SCN8A: variants seen among roughly 807,000 people sequenced by gnomAD.
SCN8A encodes the protein sodium voltage-gated channel alpha subunit 8, also known as sodium channel protein type 8 subunit alpha.
Under a neutral mutation model 184.1 loss-of-function variants are expected in SCN8A, and 30 were observed. The observed-to-expected ratio is 0.16, with a 90% CI of 0.12 to 0.22. The LOEUF is 0.22. SCN8A is among the 10% of genes least tolerant of loss of function. SCN8A has a pLI of 1.00. For synonymous variants in SCN8A, 852 were observed against 907.0 expected (o/e 0.94, Z 1.09); for missense variants, 1,057 against 2,498.9 (o/e 0.42, Z 12.30).
intron 21 of SCN8A, among the ~76,000 whole-genome samples, chr12:51,784,943 C>G (rs993215424): frequency 1.3e-5 from 2 of 152,176 alleles, no homozygotes; most frequent in Non-Finnish European, 2.9e-5. Context: ...ACTTCCTGTG[C>G]CACATTTGTA....
intron 6 of SCN8A, among the ~76,000 whole-genome samples, chr12:51,697,430 G>A (rs1941614001): frequency 6.6e-6 from 1 of 152,196 alleles, no homozygotes; most frequent in African/African-American, 2.4e-5. Context: ...TCTTGTGCTA[G>A]GCAGAGCATC....
chr12:51,621,789 T>C (rs1939968902), intron 1 of SCN8A, among the ~76,000 whole-genome samples: 3 of 152,224 alleles, frequency 2.0e-5, no homozygotes, highest in Admixed American at 1.3e-4. Context: ...AGTTCTGCGA[T>C]GTAGGCAGAA....
Position 51,721,800 on chromosome 12 carries a change from C to T in SCN8A, c.1890C>T (p.Phe630=). Residue 630 remains phenylalanine (F), a synonymous_variant, in exon 12 of 27, where the codon TTC becomes TTT. Coordinates refer to ENST00000627620, the MANE Select transcript of SCN8A (RefSeq NM_001330260.2). ...YSQGSRSSRI[F]PSLRRSVKRN... ...AGGGCAGCCGCTCCTCGCGCATCTTCCCCAGCCTGCGGCGCAGCGTGAAGC... is the reference window on the plus strand; with the variant it reads ...AGGGCAGCCGCTCCTCGCGCATCTTTCCCAGCCTGCGGCGCAGCGTGAAGC... The T allele has an allele frequency of 6.2e-7, 1 of 1,609,578 alleles. No individual in the cohort carries two copies. Among genetic ancestry groups the T allele is most frequent in the Non-Finnish European group, 8.5e-7 (1 of 1,179,466 alleles).
chr12:51,740,585 G>A (rs935710554), intron 12 of SCN8A, among the ~76,000 whole-genome samples: 20 of 152,190 alleles, frequency 1.3e-4, no homozygotes, highest in South Asian at 4.1e-4. Context: ...CTGTCCTTGA[G>A]AATAATCCAT....
rs188682325 is a variant in SCN8A at position 51,716,598 on chromosome 12, G to A, written c.1636-4948G>A. ...GATGAAGTAGAATAAGTAAATTAGA[G>A]TCAAAGCTGGGAGGGTCTTGAATGC... On this transcript the variant is annotated intron_variant, in intron 11 of 26. Coordinates refer to ENST00000627620, the MANE Select transcript of SCN8A (RefSeq NM_001330260.2). 2.1e-3 allele frequency among the ~76,000 whole-genome samples: 313 copies of A among 152,240 alleles called. 2 individuals are homozygous for A. The highest frequency in any genetic ancestry group is 6.8e-3 in the African/African-American group (283 of 41,532).
intron 1 of SCN8A, among the ~76,000 whole-genome samples, chr12:51,637,124 G>A (rs550798411): frequency 1.3e-5 from 2 of 152,152 alleles, no homozygotes; most frequent in South Asian, 2.1e-4. Context: ...TTGTTCTGGG[G>A]TGCCATGAAC....
chr12:51,680,000 A>G (rs569504090), intron 2 of SCN8A, among the ~76,000 whole-genome samples: 1 of 152,272 alleles, frequency 6.6e-6, no homozygotes, highest in East Asian at 1.9e-4. Context: ...CTGGACTTAT[A>G]GGTGGACTAT....
chr12:51,808,624 C>G lies in SCN8A; in HGVS notation c.*1195C>G, dbSNP rs967600196. 16 of 152,186 alleles carry G rather than the reference C, an allele frequency of 1.1e-4. No individual in the cohort carries two copies. Among genetic ancestry groups the G allele is most frequent in the African/African-American group, 3.6e-4 (15 of 41,444 alleles). The allele number at this position is 152,186 out of a possible 1,614,324, so 9.4% of individuals were successfully genotyped here. On this transcript the variant is annotated 3_prime_UTR_variant, in exon 27 of 27. Coordinates refer to ENST00000627620, the MANE Select transcript of SCN8A (RefSeq NM_001330260.2). ...GATAAAAGTGCTTTTCAAAGTAGCACCAGTTATCTCTAGGGGTAATTTGGG... is the reference window on the plus strand; with the variant it reads ...GATAAAAGTGCTTTTCAAAGTAGCAGCAGTTATCTCTAGGGGTAATTTGGG...
At chr12:51,702,612 T>C (rs1941710226) in intron 8 of SCN8A, among the ~76,000 whole-genome samples, 161 bp from the exon 9 acceptor site, 1 of 152,142 alleles carries the variant, frequency 6.6e-6, no homozygotes, top group Non-Finnish European at 1.5e-5. Flanking sequence ...GCTGCTTATT[T>C]CCTTCTTCTT....
At chr12:51,648,476 A>T (rs979100197) in intron 1 of SCN8A, among the ~76,000 whole-genome samples, 3 of 152,220 alleles carry the variant, frequency 2.0e-5, no homozygotes, top group African/African-American at 7.2e-5. Context: ...TACACTGCTG[A>T]TAAAGACATA....
At chr12:51,734,526 A>T (rs1942293022) in intron 12 of SCN8A, among the ~76,000 whole-genome samples, 1 of 152,252 alleles carries the variant, frequency 6.6e-6, no homozygotes, top group Non-Finnish European at 1.5e-5. Flanking sequence ...GTGGCTTAAG[A>T]ATGCCTTTAA....
chr12:51,803,722 C>A (rs566214511), intron 26 of SCN8A, among the ~76,000 whole-genome samples: 1 of 152,186 alleles, frequency 6.6e-6, no homozygotes, highest in South Asian at 2.1e-4. Flanking sequence ...TATTATATAA[C>A]CTGACTTCTT....
chr12:51,794,250 G>A, intron 25 of SCN8A, 121 bp from the exon 26 acceptor site: 1 of 894,866 alleles, frequency 1.1e-6, no homozygotes, highest in East Asian at 2.4e-5. Context: ...GAGCAGCAGA[G>A]CTGACCAGTA....
intron 2 of SCN8A, among the ~76,000 whole-genome samples, chr12:51,683,854 C>T (rs56010005): frequency 6.6e-6 from 1 of 152,136 alleles, no homozygotes; most frequent in African/African-American, 2.4e-5. Context: ...TGAATGAATC[C>T]TAAATTAATG....
intron 13 of SCN8A, 91 bp from the exon 14 acceptor site, chr12:51,751,264 A>C: frequency 2.4e-6 from 2 of 835,698 alleles, no homozygotes; most frequent in Non-Finnish European, 3.9e-6. Context: ...ATTCCATATT[A>C]ATAACAGTGA....
intron 26 of SCN8A, among the ~76,000 whole-genome samples, chr12:51,804,327 C>CAT (rs530886101): frequency 2.1e-5 from 3 of 144,084 alleles, no homozygotes; most frequent in East Asian, 2.0e-4. Flanking sequence ...TTTCTCTTTT[C>CAT]TTTTTTTTTT....
At chr12:51,791,718 A>T (rs150994114) in intron 25 of SCN8A, among the ~76,000 whole-genome samples, 19 of 152,256 alleles carry the variant, frequency 1.2e-4, no homozygotes, top group Admixed American at 2.6e-4. Context: ...CTACAAAAAA[A>T]TTTTGTAAAA....
At chr12:51,664,098 T>C (rs1047762508) in intron 2 of SCN8A, among the ~76,000 whole-genome samples, 4 of 151,964 alleles carry the variant, frequency 2.6e-5, no homozygotes, top group African/African-American at 9.7e-5. Flanking sequence ...CATTAGTCTG[T>C]TCTTTCACTG....
At position 51,743,741 on chromosome 12, in the gene SCN8A, T is replaced by G. The variant is rs145186185; in HGVS notation, c.1999-2162T>G. ...TCAGCAGGTGGTGAAGCCAGCCAGG[T>G]TTGTATCCTCCCCTTCAGGGCAGCA... is the stretch of plus-strand genomic sequence containing the variant. On this transcript the variant is annotated intron_variant, in intron 12 of 26. Transcript: ENST00000627620. Among the ~76,000 whole-genome samples, 408 of 152,276 alleles carry G rather than the reference T, an allele frequency of 2.7e-3. 1 individual carries two copies. The highest frequency in any genetic ancestry group is 9.3e-3 in the African/African-American group (388 of 41,548).
Sources: gnomAD v4.1 joint callset for allele counts (sites outside exome capture counted in the v4.1 genomes callset) on GRCh38, gnomAD v4.1.1 for gene constraint, MANE v1.5 for transcripts, NCBI Gene and HGNC (gene_info 2026-07-23, HGNC 2026-07-21) for gene names.